Variants in PHF24 observed in about 807,000 individuals in gnomAD.
PHF24 encodes the protein Galpha inhibitory interacting protein.
PHF24 carries 25 observed loss-of-function variants against 42.6 expected under a neutral mutation model. The observed-to-expected ratio is 0.59, with a 90% CI of 0.43 to 0.82. The LOEUF (loss-of-function observed/expected upper bound fraction) is 0.82. Ranked by LOEUF, PHF24 falls within the 40% of genes least tolerant of loss-of-function variation. The probability of loss-of-function intolerance (pLI) is 0.00; values close to 1 mark genes in which losing one functional copy is unlikely to be tolerated. For synonymous variants in PHF24, 185 were observed against 204.8 expected (o/e 0.90, Z 0.83); for missense variants, 470 against 538.1 (o/e 0.87, Z 1.25).
At chr9:34,703,856 G>C in the PHF24 span, among the ~76,000 whole-genome samples, 481 of 151,854 alleles carry the variant, frequency 3.2e-3, 2 homozygotes, top group African/African-American at 0.011. Context: ...GTGTGCCACC[G>C]CACCTGGCCG....
At chr9:34,832,247 G>A in the PHF24 span, 14 of 470,762 alleles carry the variant, frequency 3.0e-5, no homozygotes, top group South Asian at 3.7e-4. Flanking sequence ...GGCTCTGTGT[G>A]TTCTCCTTGA....
the PHF24 span, among the ~76,000 whole-genome samples, chr9:34,791,020 G>T: frequency 3.2e-4 from 48 of 152,326 alleles, no homozygotes; most frequent in South Asian, 9.7e-3. Flanking sequence ...TTTAAACTTG[G>T]GGTTGACTTT....
chr9:34,727,362 A>G, the PHF24 span, among the ~76,000 whole-genome samples: 1 of 152,228 alleles, frequency 6.6e-6, no homozygotes, highest in Non-Finnish European at 1.5e-5. Flanking sequence ...GACCAGTCTT[A>G]TTTGAGGCTA....
chr9:34,696,510 T>A, the PHF24 span, among the ~76,000 whole-genome samples: 1 of 147,698 alleles, frequency 6.8e-6, no homozygotes, highest in Non-Finnish European at 1.5e-5. Flanking sequence ...AAAAAAAAGT[T>A]TAGACCAGGA....
At chr9:34,902,405 T>G in the PHF24 span, among the ~76,000 whole-genome samples, 1 of 152,114 alleles carries the variant, frequency 6.6e-6, no homozygotes, top group Admixed American at 6.5e-5. Flanking sequence ...TCTCAACACT[T>G]TGGGAGGATG....
the PHF24 span, among the ~76,000 whole-genome samples, chr9:34,814,141 A>C: frequency 6.6e-6 from 1 of 152,244 alleles, no homozygotes; most frequent in Non-Finnish European, 1.5e-5. Flanking sequence ...CCAGCTAAAG[A>C]AGTAATCATT....
chr9:34,764,511 G>T, the PHF24 span, among the ~76,000 whole-genome samples: 1 of 152,156 alleles, frequency 6.6e-6, no homozygotes, highest in Non-Finnish European at 1.5e-5. Flanking sequence ...ATTCTCTGAT[G>T]GTAGTTTGTA....
chr9:34,928,715 G>A, the PHF24 span, among the ~76,000 whole-genome samples: 1 of 152,316 alleles, frequency 6.6e-6, no homozygotes, highest in East Asian at 1.9e-4. Flanking sequence ...CCTGGGTACA[G>A]CTGGTCTATG....
chr9:34,857,990 G>A, the PHF24 span, among the ~76,000 whole-genome samples: 1 of 51,532 alleles, frequency 1.9e-5, no homozygotes, highest in Non-Finnish European at 4.2e-5. Context: ...TTTTTTTTTT[G>A]ACATTTGCTG....
At chr9:34,836,036 G>T in the PHF24 span, 1 of 629,034 alleles carries the variant, frequency 1.6e-6, no homozygotes, top group South Asian at 1.5e-5. Flanking sequence ...CTTCCCTCTG[G>T]GGGAAGCCAG....
At chr9:34,687,640 T>C in the PHF24 span, among the ~76,000 whole-genome samples, 1 of 152,216 alleles carries the variant, frequency 6.6e-6, no homozygotes, top group Non-Finnish European at 1.5e-5. Flanking sequence ...GTTCCCACTC[T>C]CACCTGCCCT....
At chr9:34,976,289 T>A in intron 4 of PHF24, 59 bp downstream of exon 4, 1 of 1,388,564 alleles carries the variant, frequency 7.2e-7, no homozygotes, top group Non-Finnish European at 1.0e-6. Context: ...TCCTTCAGGC[T>A]TTCTAGAATG....
chr9:34,820,756 C>T, the PHF24 span, among the ~76,000 whole-genome samples: 12 of 152,148 alleles, frequency 7.9e-5, no homozygotes, highest in African/African-American at 2.2e-4. Context: ...TACCCAATAA[C>T]GGGATTGCTG....
the PHF24 span, among the ~76,000 whole-genome samples, chr9:34,820,783 T>C: frequency 6.6e-5 from 10 of 152,348 alleles, 1 homozygote; most frequent in South Asian, 1.9e-3. Flanking sequence ...ATGGTACTTC[T>C]GTTTTAAGTT....
the PHF24 span, among the ~76,000 whole-genome samples, chr9:34,847,874 T>C: frequency 6.6e-6 from 1 of 152,212 alleles, no homozygotes; most frequent in Non-Finnish European, 1.5e-5. Context: ...GGTTTTGTCT[T>C]TGGTTCTGTT....
chr9:34,670,266 C>G, the PHF24 span, among the ~76,000 whole-genome samples: 1 of 152,164 alleles, frequency 6.6e-6, no homozygotes, highest in Non-Finnish European at 1.5e-5. Context: ...ATTATCAAAA[C>G]TGACGGGTTT....
At chr9:34,682,501 TTTTCTAAGAAGTCTA>T in the PHF24 span, among the ~76,000 whole-genome samples, 2 of 152,188 alleles carry the variant, frequency 1.3e-5, no homozygotes, top group African/African-American at 4.8e-5. Context: ...ATACGCTCAA[TTTTCTAAGAAGTCTA>T]GGGTTTGGGA....
At chr9:34,936,221 G>A in the PHF24 span, among the ~76,000 whole-genome samples, 15 of 152,298 alleles carry the variant, frequency 9.8e-5, no homozygotes, top group East Asian at 1.2e-3. Context: ...GGCGCGCGCC[G>A]CCACGCCTGA....
At chr9:34,755,824 G>T in the PHF24 span, among the ~76,000 whole-genome samples, 4 of 151,850 alleles carry the variant, frequency 2.6e-5, no homozygotes, top group South Asian at 8.3e-4. Flanking sequence ...GTATAATCTG[G>T]ATATAAATCA....
Sources: gnomAD v4.1 joint callset for allele counts (sites outside exome capture counted in the v4.1 genomes callset) on GRCh38, gnomAD v4.1.1 for gene constraint, MANE v1.5 for transcripts, NCBI Gene and HGNC (gene_info 2026-07-23, HGNC 2026-07-21) for gene names.